Variants in SCRN1 observed in about 807,000 individuals in gnomAD.
SCRN1 encodes the protein secernin-1.
A neutral mutation model predicts 43.3 loss-of-function variants in SCRN1; 19 were observed. That is an observed-to-expected ratio of 0.44 (90% CI 0.31 to 0.64). The LOEUF (loss-of-function observed/expected upper bound fraction) is 0.64. Ranked by LOEUF, SCRN1 falls within the 30% of genes least tolerant of loss-of-function variation. The pLI is 0.09. For missense variants in SCRN1, 447 were observed against 524.1 expected, an observed-to-expected ratio of 0.85 and a Z score of 1.44; for synonymous variants, 183 against 188.9, an observed-to-expected ratio of 0.97 and a Z score of 0.26.
At chr7:29,925,137 C>T (rs1199083181) in intron 7 of SCRN1, among the ~76,000 whole-genome samples, 1 of 152,082 alleles carries the variant, frequency 6.6e-6, no homozygotes, top group Non-Finnish European at 1.5e-5. Context: ...GGAGAAAACA[C>T]AGTTGAATGC....
chr7:29,974,680 T>G (rs1427438053), intron 1 of SCRN1, among the ~76,000 whole-genome samples: 4 of 145,922 alleles, frequency 2.7e-5, no homozygotes, highest in African/African-American at 7.7e-5. Context: ...ATTCTTTCTT[T>G]CTTTCTTTTT....
chr7:29,980,428 A>G (rs1000710535), intron 1 of SCRN1, among the ~76,000 whole-genome samples: 6 of 152,126 alleles, frequency 3.9e-5, no homozygotes, highest in Non-Finnish European at 8.8e-5. Context: ...TCCTATTCCC[A>G]CCATCTGTCT....
At chr7:29,978,825 T>C (rs1788909255) in intron 1 of SCRN1, among the ~76,000 whole-genome samples, 1 of 152,208 alleles carries the variant, frequency 6.6e-6, no homozygotes, top group Non-Finnish European at 1.5e-5. Flanking sequence ...CACATCTGAT[T>C]TTGCCTCATT....
At chr7:29,977,151 T>A (rs1325867371) in intron 1 of SCRN1, among the ~76,000 whole-genome samples, 1 of 152,220 alleles carries the variant, frequency 6.6e-6, no homozygotes, top group African/African-American at 2.4e-5. Context: ...CTATATAAGC[T>A]ATCGGTTTAT....
intron 2 of SCRN1, 52 bp from the exon 3 acceptor site, chr7:29,955,412 C>T: frequency 6.5e-7 from 1 of 1,547,052 alleles, no homozygotes; most frequent in Non-Finnish European, 8.8e-7. Flanking sequence ...GGTACCACCT[C>T]ATTTCTGCCT....
At chr7:29,947,341 C>T (rs1303804364) in intron 3 of SCRN1, 9 of 1,549,642 alleles carry the variant, frequency 5.8e-6, no homozygotes, top group Non-Finnish European at 7.8e-6. Context: ...AGATGGGTCA[C>T]ACCTGTACTT....
chr7:29,936,107 C>T (rs1028339469), intron 6 of SCRN1, among the ~76,000 whole-genome samples: 7 of 152,150 alleles, frequency 4.6e-5, no homozygotes, highest in Admixed American at 1.3e-4. Flanking sequence ...ATCTGTATTG[C>T]CTCCGAACTG....
Position 29,920,232 on chromosome 7 carries a change from C to T in SCRN1, c.*3725G>A, listed in dbSNP as rs1057411945. 5 of 152,540 alleles carry T rather than the reference C, an allele frequency of 3.3e-5. No individual in the cohort carries two copies. The highest frequency in any genetic ancestry group is 1.2e-4 in the African/African-American group (5 of 41,422). 9.4% of individuals were successfully genotyped at this position (152,540 alleles called of 1,614,324 possible). Reference sequence around the variant, plus strand: ...CAAAAGACTGTTAAGACTACATGGCCAGTTCCCACTGCAGGAAACAGAATG... The same window carrying T: ...CAAAAGACTGTTAAGACTACATGGCTAGTTCCCACTGCAGGAAACAGAATG... On this transcript the variant is annotated 3_prime_UTR_variant, in exon 8 of 8. Coordinates refer to ENST00000242059, the MANE Select transcript of SCRN1 (RefSeq NM_014766.5).
intron 3 of SCRN1, 59 bp downstream of exon 3, chr7:29,955,120 T>C: frequency 1.4e-6 from 2 of 1,461,802 alleles, no homozygotes; most frequent in South Asian, 2.4e-5. Context: ...GAGAAATAAA[T>C]CCTGTCCCCA....
rs545529211 is a variant in SCRN1, at chr7:29,962,920, T to A, written c.159+5989A>T. ...CAAGTATAGGAGATGGAGACAGATGTAACTGTAAGGGAACTAAAGGGGTAA... is the reference window on the plus strand; with the variant it reads ...CAAGTATAGGAGATGGAGACAGATGAAACTGTAAGGGAACTAAAGGGGTAA... On this transcript the variant is annotated intron_variant, in intron 2 of 7. Transcript: ENST00000242059. 7.9e-5 allele frequency among the ~76,000 whole-genome samples: 12 copies of A among 152,132 alleles called. No individual in the cohort carries two copies. The South Asian group carries it at 2.5e-3, about 32-fold the overall frequency.
At chr7:29,955,129 C>T in intron 3 of SCRN1, 50 bp downstream of exon 3, 1 of 1,528,578 alleles carries the variant, frequency 6.5e-7, no homozygotes, top group Non-Finnish European at 9.0e-7. Context: ...ATCCTGTCCC[C>T]ATTTCCAACC....
At chr7:29,936,501 G>A (rs971085086) in intron 6 of SCRN1, 55 bp downstream of exon 6, 1 of 1,428,526 alleles carries the variant, frequency 7.0e-7, no homozygotes, top group Non-Finnish European at 9.4e-7. Flanking sequence ...CTTGCTGAAT[G>A]AGCTTTCAAG....
At chr7:29,975,222 T>C (rs530096437) in intron 1 of SCRN1, among the ~76,000 whole-genome samples, 1 of 152,348 alleles carries the variant, frequency 6.6e-6, no homozygotes, top group South Asian at 2.1e-4. Flanking sequence ...ATATAAGCAT[T>C]TGATGATGGG....
intron 6 of SCRN1, among the ~76,000 whole-genome samples, chr7:29,927,486 C>A (rs943076386): frequency 2.0e-5 from 3 of 152,030 alleles, no homozygotes; most frequent in Non-Finnish European, 4.4e-5. Context: ...CCTTATCCTA[C>A]CCTCCCCACA....
intron 1 of SCRN1, among the ~76,000 whole-genome samples, chr7:29,978,563 G>A (rs1788901005): frequency 6.6e-6 from 1 of 152,124 alleles, no homozygotes; most frequent in South Asian, 2.1e-4. Flanking sequence ...GGCCCTAGTA[G>A]CCATCCTGAC....
chr7:29,960,449 G>T (rs1788271935), intron 2 of SCRN1, among the ~76,000 whole-genome samples: 1 of 151,936 alleles, frequency 6.6e-6, no homozygotes, highest in African/African-American at 2.4e-5. Context: ...GGAAATAATG[G>T]AGACAATATT....
At chr7:29,930,039 G>T (rs1326026760) in intron 6 of SCRN1, among the ~76,000 whole-genome samples, 1 of 152,050 alleles carries the variant, frequency 6.6e-6, no homozygotes, top group Non-Finnish European at 1.5e-5. Context: ...ATATGAGGAG[G>T]TTCCCAAAAT....
In SCRN1 at chr7:29,923,263, T is replaced by C. The variant is rs1176321891; in HGVS notation, c.*694A>G. 1 of 152,184 alleles carries C rather than the reference T, an allele frequency of 6.6e-6. No individual in the cohort carries two copies. Among genetic ancestry groups the C allele is most frequent in the East Asian group, 1.9e-4 (1 of 5,192 alleles). 9.4% of individuals were successfully genotyped at this position (152,184 alleles called of 1,614,324 possible). ...AGTGAATAGGTTCCAGCTAACAAATTATCAGCTCTCCTGTAAGTGGAAGCA... is the reference window on the plus strand; with the variant it reads ...AGTGAATAGGTTCCAGCTAACAAATCATCAGCTCTCCTGTAAGTGGAAGCA... On this transcript the variant is annotated 3_prime_UTR_variant, in exon 8 of 8. Coordinates refer to ENST00000242059, the MANE Select transcript of SCRN1 (RefSeq NM_014766.5).
At chr7:29,962,601 T>C (rs1788362521) in intron 2 of SCRN1, among the ~76,000 whole-genome samples, 1 of 152,106 alleles carries the variant, frequency 6.6e-6, no homozygotes, top group Admixed American at 6.5e-5. Context: ...GGCAGGAGAA[T>C]TGCTTGAACC....
Sources: gnomAD v4.1 joint callset for allele counts (sites outside exome capture counted in the v4.1 genomes callset) on GRCh38, gnomAD v4.1.1 for gene constraint, MANE v1.5 for transcripts, NCBI Gene and HGNC (gene_info 2026-07-23, HGNC 2026-07-21) for gene names.